Variants in MYLK observed in about 807,000 individuals in gnomAD.
MYLK encodes the protein myosin light chain kinase, smooth muscle.
A neutral mutation model predicts 203.4 loss-of-function variants in MYLK; 106 were observed. That is an observed-to-expected ratio of 0.52 (90% CI 0.45 to 0.61). The LOEUF is 0.61. MYLK is among the 20% of genes least tolerant of loss of function. The probability of loss-of-function intolerance (pLI) is 0.00; values close to 1 mark genes in which losing one functional copy is unlikely to be tolerated. For synonymous variants in MYLK, 867 were observed against 959.5 expected (o/e 0.90, Z 1.78); for missense variants, 2,072 against 2,442.3 (o/e 0.85, Z 3.20).
At chr3:123,645,873 G>A (rs1329364190) in intron 27 of MYLK, among the ~76,000 whole-genome samples, 2 of 152,224 alleles carry the variant, frequency 1.3e-5, no homozygotes, top group African/African-American at 4.8e-5. Context: ...GTTGGGTGCG[G>A]TGGCTCACGC....
intron 29 of MYLK, chr3:123,630,495 G>A (rs965210558): frequency 1.3e-5 from 2 of 152,236 alleles, no homozygotes; most frequent in Admixed American, 6.5e-5. Flanking sequence ...TTGTTTTACA[G>A]ATGAGGGAAT....
At chr3:123,849,591 G>A (rs1005945768) in intron 2 of MYLK, among the ~76,000 whole-genome samples, 16 of 152,156 alleles carry the variant, frequency 1.1e-4, no homozygotes, top group African/African-American at 3.9e-4. Context: ...GGTGAGAAAA[G>A]CAGTAAGAAA....
At chr3:123,849,084 T>A (rs2030417115) in intron 2 of MYLK, among the ~76,000 whole-genome samples, 1 of 152,056 alleles carries the variant, frequency 6.6e-6, no homozygotes, top group Admixed American at 6.6e-5. Flanking sequence ...CAAGATATCC[T>A]CCCACCTCAG....
At chr3:123,705,129 C>T (rs79929803) in intron 16 of MYLK, among the ~76,000 whole-genome samples, 1 of 151,660 alleles carries the variant, frequency 6.6e-6, no homozygotes, top group Admixed American at 6.6e-5. Context: ...CCCTCTACCC[C>T]CTGCACACCG....
intron 31 of MYLK, among the ~76,000 whole-genome samples, chr3:123,626,070 G>A (rs1217936588): frequency 1.3e-5 from 2 of 152,132 alleles, no homozygotes; most frequent in African/African-American, 2.4e-5. Flanking sequence ...TGTCTGTAAA[G>A]TGGGGATAAT....
At chr3:123,737,064 C>T (rs1476188322) in intron 8 of MYLK, among the ~76,000 whole-genome samples, 1 of 152,010 alleles carries the variant, frequency 6.6e-6, no homozygotes, top group Non-Finnish European at 1.5e-5. Context: ...ACAAAAAATA[C>T]AAAAATCAGC....
At chr3:123,871,917 T>C (rs1451878331) in intron 2 of MYLK, among the ~76,000 whole-genome samples, 1 of 69,124 alleles carries the variant, frequency 1.4e-5, no homozygotes, top group Non-Finnish European at 4.3e-5. Flanking sequence ...AATCCAGCAA[T>C]ATATAAAAAG....
At chr3:123,831,856 CA>C (rs2148625031) in intron 2 of MYLK, among the ~76,000 whole-genome samples, 186 bp from the exon 3 acceptor site, 1 of 152,232 alleles carries the variant, frequency 6.6e-6, no homozygotes, top group Non-Finnish European at 1.5e-5. Flanking sequence ...AGTTCAGGAA[CA>C]ATAGTTACAA....
chr3:123,791,751 C>T lies in MYLK; in HGVS notation c.165+1926G>A, dbSNP rs551282968. ...ATCCATATAAGAAAAATAAAATTTT[C>T]ACATAGAAAAAGCTACATTTTAAGA... On this transcript the variant is annotated intron_variant, in intron 4 of 33. Coordinates refer to ENST00000360304, the MANE Select transcript of MYLK (RefSeq NM_053025.4). Among the ~76,000 whole-genome samples, 4 of 152,262 alleles carry T rather than the reference C, an allele frequency of 2.6e-5. No homozygotes were observed. In the East Asian group the frequency reaches 7.7e-4, roughly 29 times the overall value.
At position 123,618,619 on chromosome 3, in the gene MYLK, G is replaced by A; in HGVS notation, c.5500+20C>T. The A allele has an allele frequency of 6.2e-7, 1 of 1,613,744 alleles. No individual in the cohort carries two copies. The highest frequency in any genetic ancestry group is 8.5e-7 in the Non-Finnish European group (1 of 1,179,762). ...AGCCACACCCTATTCATGGTGAAGA[G>A]AAGCACAGCTACAACTTACCTTCAA... On this transcript the variant is annotated intron_variant, in intron 33 of 33. Transcript: ENST00000360304.
chr3:123,623,705 T>C (rs944486628), intron 31 of MYLK: 1 of 152,220 alleles, frequency 6.6e-6, no homozygotes, highest in African/African-American at 2.4e-5. Flanking sequence ...GCACAGAACC[T>C]TGGCTGCTGC....
At chr3:123,675,096 T>C (rs2060031626) in intron 20 of MYLK, among the ~76,000 whole-genome samples, 1 of 152,272 alleles carries the variant, frequency 6.6e-6, no homozygotes, top group East Asian at 1.9e-4. Context: ...TGGGCACTGA[T>C]GCTGAGAAAT....
In MYLK at chr3:123,726,120, C is replaced by G. The variant is rs773641392; in HGVS notation, c.1517-42G>C. 8.7e-6 allele frequency: 14 copies of G among 1,612,448 alleles called. No individual in the cohort carries two copies. The East Asian group carries it at 1.6e-4, about 18-fold the overall frequency. On this transcript the variant is annotated intron_variant, in intron 11 of 33. Coordinates refer to ENST00000360304, the MANE Select transcript of MYLK (RefSeq NM_053025.4). ...CAGGTCAGCTCAGATCACAGCTTGC[C>G]CACTCTGGTGATGCCTGCAGTCACC... is the stretch of plus-strand genomic sequence containing the variant.
chr3:123,857,053 C>T (rs368460644), intron 2 of MYLK, among the ~76,000 whole-genome samples: 5 of 152,132 alleles, frequency 3.3e-5, no homozygotes, highest in African/African-American at 9.7e-5. Flanking sequence ...AAAATGCTCA[C>T]CATCACTGGC....
chr3:123,762,288 G>A (rs2063561063), intron 4 of MYLK, among the ~76,000 whole-genome samples: 1 of 151,312 alleles, frequency 6.6e-6, no homozygotes, highest in Admixed American at 6.6e-5. Flanking sequence ...GAAGTGCAGT[G>A]GCAGATCTTG....
chr3:123,637,836 T>G (rs1182078842), intron 29 of MYLK, among the ~76,000 whole-genome samples: 2 of 152,140 alleles, frequency 1.3e-5, no homozygotes, highest in Non-Finnish European at 2.9e-5. Context: ...ATGGGGATCT[T>G]AGCATGTGTA....
chr3:123,618,233 C>T (rs1295509440), intron 33 of MYLK: 2 of 248,786 alleles, frequency 8.0e-6, no homozygotes, highest in East Asian at 1.1e-4. Context: ...CAGAGCCTGC[C>T]GATTCCACAT....
chr3:123,687,926 A>G (rs1375161935), intron 19 of MYLK, among the ~76,000 whole-genome samples: 1 of 152,068 alleles, frequency 6.6e-6, no homozygotes, highest in Non-Finnish European at 1.5e-5. Flanking sequence ...CTGCTTCTCA[A>G]AGTGTTGGTA....
chr3:123,696,227 G>A (rs898406962), intron 18 of MYLK, among the ~76,000 whole-genome samples: 6 of 152,090 alleles, frequency 3.9e-5, no homozygotes, highest in Non-Finnish European at 7.4e-5. Context: ...TAAACAGCAC[G>A]TCCACTAGCA....
Sources: gnomAD v4.1 joint callset for allele counts (sites outside exome capture counted in the v4.1 genomes callset) on GRCh38, gnomAD v4.1.1 for gene constraint, MANE v1.5 for transcripts, NCBI Gene and HGNC (gene_info 2026-07-23, HGNC 2026-07-21) for gene names.